KLF13: variants seen among roughly 807,000 people sequenced by gnomAD.
KLF13 encodes Krueppel-like factor 13.
KLF13 carries 8 observed loss-of-function variants against 16.7 expected under a neutral mutation model. The ratio of observed to expected loss-of-function variants is 0.48; its 90% CI spans 0.28 to 0.87. The LOEUF (loss-of-function observed/expected upper bound fraction) is 0.87. KLF13 is among the 40% of genes least tolerant of loss of function. The pLI, the probability that KLF13 is intolerant of heterozygous loss-of-function variation, is 0.10. For synonymous variants in KLF13, 245 were observed against 208.4 expected (o/e 1.18, Z -1.51); for missense variants, 447 against 452.2 (o/e 0.99, Z 0.10).
At chr15:31,329,425 A>G (rs763179179) in intron 1 of KLF13, among the ~76,000 whole-genome samples, 8 of 151,474 alleles carry the variant, frequency 5.3e-5, no homozygotes, top group Non-Finnish European at 1.0e-4. Context: ...AAATTTTTCT[A>G]CGGCCTCTGT....
At chr15:31,409,697 A>G (rs532531542), downstream of KLF13, among the ~76,000 whole-genome samples, 1 of 152,342 alleles carries the variant, frequency 6.6e-6, no homozygotes, top group South Asian at 2.1e-4. Context: ...TTCACCTCAG[A>G]AGCCATGCAA....
At chr15:31,431,673 C>T (rs1566852508) in intron 1 of KLF13, among the ~76,000 whole-genome samples, 1 of 152,152 alleles carries the variant, frequency 6.6e-6, no homozygotes, top group African/African-American at 2.4e-5. Context: ...ACCGTGTTAG[C>T]CAGGATGGTC....
chr15:31,411,653 C>A (rs1373820738), intron 1 of KLF13, among the ~76,000 whole-genome samples: 1 of 151,656 alleles, frequency 6.6e-6, no homozygotes, highest in Non-Finnish European at 1.5e-5. Context: ...GATCCACTCA[C>A]CTTGGCCTCC....
At chr15:31,378,245 C>A (rs1326079951), downstream of KLF13, among the ~76,000 whole-genome samples, 3 of 152,196 alleles carry the variant, frequency 2.0e-5, no homozygotes, top group African/African-American at 7.2e-5. Flanking sequence ...ACCTGGACTT[C>A]CTTTTCCTGG....
In KLF13 at chr15:31,372,055, T is replaced by G; in HGVS notation, c.623T>G (p.Phe208Cys). 6.2e-7 allele frequency: 1 copy of G among 1,611,560 alleles called. No individual in the cohort carries two copies. The highest frequency in any genetic ancestry group is 8.5e-7 in the Non-Finnish European group (1 of 1,179,406). Residue 208 changes from phenylalanine (F) to cysteine (C), a missense_variant, in exon 2 of 2, where the codon TTC becomes TGC. Transcript: ENST00000307145. ...ACSWQDCNKK[F>C]ARSDELARHY... ...AGCTGGCAGGACTGCAACAAGAAGTTCGCGCGCTCCGACGAGCTGGCGCGG... is the reference window on the plus strand; with the variant it reads ...AGCTGGCAGGACTGCAACAAGAAGTGCGCGCGCTCCGACGAGCTGGCGCGG...
chr15:31,373,592 C>T lies in KLF13; in HGVS notation c.*1293C>T, dbSNP rs1198182256. 1 of 152,348 alleles carries T rather than the reference C, an allele frequency of 6.6e-6. No homozygotes were observed. Among genetic ancestry groups the T allele is most frequent in the Non-Finnish European group, 1.5e-5 (1 of 68,106 alleles). 9.4% of individuals were successfully genotyped at this position (152,348 alleles called of 1,614,324 possible). A position where few individuals can be genotyped will look rare whatever the true frequency, so the allele number is the denominator to read the frequency against. On this transcript the variant is annotated 3_prime_UTR_variant, in exon 2 of 2. Transcript: ENST00000307145. ...TGCTTCTCCTTGTCCTGCCTGGAGG[C>T]TCCAGGCCACACCCAGCTGGTGGGG...
At chr15:31,332,784 G>C (rs546370044) in intron 1 of KLF13, among the ~76,000 whole-genome samples, 1 of 152,352 alleles carries the variant, frequency 6.6e-6, no homozygotes, top group East Asian at 1.9e-4. Context: ...GCTAAAGGCA[G>C]GGGAAGAAAC....
upstream of KLF13, among the ~76,000 whole-genome samples, chr15:31,389,374 G>A (rs566126754): frequency 6.6e-6 from 1 of 152,246 alleles, no homozygotes; most frequent in East Asian, 1.9e-4. Flanking sequence ...TTAAATTTTT[G>A]AGGAGTCAAA....
upstream of KLF13, among the ~76,000 whole-genome samples, chr15:31,388,388 G>T (rs2039817084): frequency 6.6e-6 from 1 of 152,102 alleles, no homozygotes; most frequent in African/African-American, 2.4e-5. Flanking sequence ...GAGGAGGGCA[G>T]ATCACCTGAG....
At chr15:31,338,462 G>A (rs1003224537) in intron 1 of KLF13, among the ~76,000 whole-genome samples, 7 of 152,202 alleles carry the variant, frequency 4.6e-5, no homozygotes, top group African/African-American at 1.4e-4. Context: ...TGGCCAGGTG[G>A]TGCGGGCTGC....
At chr15:31,348,070 C>G (rs2039154108) in intron 1 of KLF13, among the ~76,000 whole-genome samples, 1 of 152,204 alleles carries the variant, frequency 6.6e-6, no homozygotes, top group African/African-American at 2.4e-5. Context: ...TTTCTGAAGG[C>G]GGAAGGCAGG....
At chr15:31,429,317 T>A (rs972814528) in intron 1 of KLF13, among the ~76,000 whole-genome samples, 9 of 152,162 alleles carry the variant, frequency 5.9e-5, no homozygotes, top group Non-Finnish European at 1.0e-4. Flanking sequence ...ACTATGCTAA[T>A]GAAATAAGCC....
chr15:31,353,838 A>C (rs1434741733), intron 1 of KLF13, among the ~76,000 whole-genome samples: 1 of 151,884 alleles, frequency 6.6e-6, no homozygotes, highest in Non-Finnish European at 1.5e-5. Context: ...CGAGGACTCT[A>C]TACTGCAGGC....
At chr15:31,428,307 T>G (rs548443028) in intron 1 of KLF13, among the ~76,000 whole-genome samples, 1 of 152,278 alleles carries the variant, frequency 6.6e-6, no homozygotes, top group South Asian at 2.1e-4. Context: ...TCGCACAACA[T>G]GTGTAGGGAT....
At chr15:31,346,515 G>T (rs547894834) in intron 1 of KLF13, among the ~76,000 whole-genome samples, 2 of 152,282 alleles carry the variant, frequency 1.3e-5, no homozygotes, top group East Asian at 3.9e-4. Flanking sequence ...TCCTCCCCGG[G>T]TTCTCTTCTT....
chr15:31,328,604 GGGGCGGGCGGCACCTGCACCA>G (rs1418281200), intron 1 of KLF13, among the ~76,000 whole-genome samples: 3 of 151,850 alleles, frequency 2.0e-5, no homozygotes, highest in African/African-American at 7.3e-5. Flanking sequence ...GGGCCGGTGC[GGGGCGGGCGGCACCTGCACCA>G]GGGCGGGCGC....
At position 31,371,998 on chromosome 15, in the gene KLF13, CT is replaced by C. The variant is rs1566822799; in HGVS notation, c.578-11del. On this transcript the variant is annotated splice_polypyrimidine_tract_variant and intron_variant, in intron 1 of 1. Coordinates refer to ENST00000307145, the MANE Select transcript of KLF13 (RefSeq NM_015995.4). ...AGGTGCGGATACTGATGCTCTGCCC[CT>C]GTGCCCACAGGTGAGAGGCCCTTCG... 21 of 1,593,388 alleles carry C rather than the reference CT, an allele frequency of 1.3e-5. No individual in the cohort carries two copies. The highest frequency in any genetic ancestry group is 1.7e-5 in the Non-Finnish European group (20 of 1,170,416).
At chr15:31,338,466 G>C (rs560052620) in intron 1 of KLF13, among the ~76,000 whole-genome samples, 1 of 152,198 alleles carries the variant, frequency 6.6e-6, no homozygotes, top group Non-Finnish European at 1.5e-5. Flanking sequence ...CAGGTGGTGC[G>C]GGCTGCAGCA....
At chr15:31,328,040 C>T (rs1341742294) in intron 1 of KLF13, among the ~76,000 whole-genome samples, 1 of 146,874 alleles carries the variant, frequency 6.8e-6, no homozygotes, top group African/African-American at 2.5e-5. Flanking sequence ...TCCCCGGGCG[C>T]GCTCGGGTGG....
Sources: gnomAD v4.1 joint callset for allele counts (sites outside exome capture counted in the v4.1 genomes callset) on GRCh38, gnomAD v4.1.1 for gene constraint, MANE v1.5 for transcripts, NCBI Gene and HGNC (gene_info 2026-07-23, HGNC 2026-07-21) for gene names.